Variants in COL6A6 observed in about 807,000 individuals in gnomAD.
The protein encoded by COL6A6 is collagen type VI alpha 6 chain, also known as collagen alpha-6(VI) chain.
Under a neutral mutation model 208.6 loss-of-function variants are expected in COL6A6, and 183 were observed. That is an observed-to-expected ratio of 0.88 (90% CI 0.78 to 0.99). The LOEUF (loss-of-function observed/expected upper bound fraction) is 0.99. Ranked by LOEUF, COL6A6 falls within the 50% of genes least tolerant of loss-of-function variation. COL6A6 has a pLI of 0.00. For synonymous variants in COL6A6, 973 were observed against 1,011.8 expected, an observed-to-expected ratio of 0.96 and a Z score of 0.73; for missense variants, 2,816 against 2,815.2, an observed-to-expected ratio of 1.00 and a Z score of -0.01.
At chr3:130,672,282 T>C (rs567260336) in intron 36 of COL6A6, among the ~76,000 whole-genome samples, 80 of 152,318 alleles carry the variant, frequency 5.3e-4, no homozygotes, top group African/African-American at 1.8e-3. Flanking sequence ...AGTTGCAAAA[T>C]AGACGATTTC....
chr3:130,599,848 G>C (rs766439060), intron 20 of COL6A6, 38 bp downstream of exon 20: 3 of 1,602,234 alleles, frequency 1.9e-6, no homozygotes, highest in Non-Finnish European at 2.6e-6. Context: ...CACTGTTTTG[G>C]TGGCTCATGT....
At position 130,566,777 on chromosome 3, in the gene COL6A6, A is replaced by G. The variant is rs2063034866; in HGVS notation, c.1358A>G (p.His453Arg). 3 of 1,614,016 alleles carry G rather than the reference A, an allele frequency of 1.9e-6. No homozygotes were observed. The highest frequency in any genetic ancestry group is 2.5e-6 in the Non-Finnish European group (3 of 1,179,892). The part of the protein sequence containing the change: ...GSGSTQATDF[H>R]EMKTFLSEVV... The stretch of plus-strand genomic sequence containing the variant: ...GGGAGCACCCAGGCCACAGATTTCC[A>G]TGAAATGAAGACGTTCCTGTCAGAG... Residue 453 changes from histidine to arginine, a missense_variant, in exon 5 of 37, where the codon CAT becomes CGT. By Grantham distance (29) the His-to-Arg change is conservative. Coordinates refer to ENST00000358511, the MANE Select transcript of COL6A6 (RefSeq NM_001102608.3).
rs199879974 is a variant in COL6A6, at chr3:130,642,871, C to T, written c.5190+4C>T. 150 of 1,613,780 alleles carry T rather than the reference C, an allele frequency of 9.3e-5. 2 individuals carry two copies. The South Asian group carries it at 1.3e-3, about 13-fold the overall frequency. On this transcript the variant is annotated splice_donor_region_variant and intron_variant, in intron 30 of 36. Coordinates refer to ENST00000358511, the MANE Select transcript of COL6A6 (RefSeq NM_001102608.3). ...CAAAGGCTTGGCTTCATTTTCTGTA[C>T]GTATCTCCCGACTACAACAGAGTGC...
Position 130,568,135 on chromosome 3 carries a change from T to C in COL6A6, c.1932T>C (p.Phe644=), listed in dbSNP as rs770862602. 3 of 1,613,920 alleles carry C rather than the reference T, an allele frequency of 1.9e-6. No homozygotes were observed. In the East Asian group the frequency reaches 6.7e-5, roughly 36 times the overall value. Residue 644 remains phenylalanine (F), a synonymous_variant, in exon 6 of 37, where the codon TTT becomes TTC. Coordinates refer to ENST00000358511, the MANE Select transcript of COL6A6 (RefSeq NM_001102608.3). ...AAAACTTCAGCAAAATGAAAACATT[T>C]ATGAAAAACCTGGTGAGCAAGTCTC... ...GPENFSKMKT[F]MKNLVSKSQI...
chr3:130,593,001 A>G (rs2063756650), intron 15 of COL6A6, 60 bp from the exon 16 acceptor site: 4 of 1,476,064 alleles, frequency 2.7e-6, no homozygotes, highest in Non-Finnish European at 3.8e-6. Context: ...TTTGTTTGGC[A>G]TCTGACTTCT....
chr3:130,658,692 C>T lies in COL6A6; in HGVS notation c.5750C>T (p.Thr1917Ile), dbSNP rs1199178935. The T allele has an allele frequency of 3.7e-6, 6 of 1,612,400 alleles. No homozygotes were observed. The Admixed American group carries it at 6.7e-5, about 18-fold the overall frequency. The change falls in exon 34 of 37, where the codon ACA becomes ATA. Residue 1917 changes from threonine (T) to isoleucine (I), a missense_variant. Thr to Ile is a moderately conservative substitution (Grantham distance 89). Coordinates refer to ENST00000358511, the MANE Select transcript of COL6A6 (RefSeq NM_001102608.3). ...RRAFAIDDTGTFQVIVVPSGA... is the reference protein window; with the variant it reads ...RRAFAIDDTGIFQVIVVPSGA... ...TTCTTTTAGATTGACGACACTGGCACATTTCAAGTAATAGTGGTTCCCTCC... is the reference window on the plus strand; with the variant it reads ...TTCTTTTAGATTGACGACACTGGCATATTTCAAGTAATAGTGGTTCCCTCC...
rs765547289 is a variant in COL6A6, at chr3:130,649,162, A to G, written c.5333A>G (p.Glu1778Gly). ...GAGCAGGAATTTGAGCGGATGAAGG[A>G]GATGATGGCTTTCCTGGTGAGAGAC... ...VTEQEFERMK[E>G]MMAFLVRDIK... Residue 1778 changes from glutamate (E) to glycine (G), a missense_variant, in exon 33 of 37, where the codon GAG (glutamate) becomes GGG (glycine). By Grantham distance (98) the Glu-to-Gly change is moderately conservative. Transcript: ENST00000358511. 1.0e-5 allele frequency: 16 copies of G among 1,594,912 alleles called. No homozygotes were observed. The Admixed American group carries it at 1.0e-4, about 10-fold the overall frequency.
intron 33 of COL6A6, among the ~76,000 whole-genome samples, chr3:130,656,738 G>A (rs1348173960): frequency 6.6e-6 from 1 of 152,194 alleles, no homozygotes; most frequent in African/African-American, 2.4e-5. Flanking sequence ...CTACAGGCCA[G>A]TACCAAGCTG....
At chr3:130,548,358 A>G (rs1369354904) in intron 1 of COL6A6, among the ~76,000 whole-genome samples, 1 of 152,188 alleles carries the variant, frequency 6.6e-6, no homozygotes, top group African/African-American at 2.4e-5. Flanking sequence ...TTTTTGGACT[A>G]TGAATTCCAC....
At chr3:130,650,214 C>G (rs1454967966) in intron 33 of COL6A6, among the ~76,000 whole-genome samples, 3 of 152,252 alleles carry the variant, frequency 2.0e-5, no homozygotes, top group African/African-American at 7.2e-5. Flanking sequence ...ACCTGCTGGG[C>G]CCAGCAAAGG....
At chr3:130,644,042 T>C (rs2065394489) in intron 31 of COL6A6, among the ~76,000 whole-genome samples, 1 of 152,288 alleles carries the variant, frequency 6.6e-6, no homozygotes, top group East Asian at 1.9e-4. Flanking sequence ...TCCAAGTATA[T>C]TGAGACCTGA....
chr3:130,674,254 A>C (rs771552382), intron 36 of COL6A6, among the ~76,000 whole-genome samples: 7 of 152,218 alleles, frequency 4.6e-5, no homozygotes, highest in Non-Finnish European at 8.8e-5. Context: ...TCAGTTCCTC[A>C]GTCACACTAC....
At chr3:130,593,520 C>T (rs2063773623) in intron 17 of COL6A6, among the ~76,000 whole-genome samples, 1 of 152,198 alleles carries the variant, frequency 6.6e-6, no homozygotes, top group African/African-American at 2.4e-5. Flanking sequence ...CCTAACCATG[C>T]TAGCCATGAC....
At chr3:130,538,742 T>C (rs2062283435) in intron 1 of COL6A6, among the ~76,000 whole-genome samples, 1 of 152,180 alleles carries the variant, frequency 6.6e-6, no homozygotes, top group Non-Finnish European at 1.5e-5. Flanking sequence ...CTAGTATAAT[T>C]GGAGTGTGAG....
chr3:130,643,220 C>T (rs745378322), intron 31 of COL6A6, among the ~76,000 whole-genome samples, 197 bp downstream of exon 31: 1 of 152,160 alleles, frequency 6.6e-6, no homozygotes, highest in Admixed American at 6.5e-5. Flanking sequence ...AAACCCATGT[C>T]AAGCAGTAAG....
In COL6A6 at chr3:130,571,356, A is replaced by C; in HGVS notation, c.2940A>C (p.Ser980=). The change falls in exon 7 of 37, where the codon TCA becomes TCC. Residue 980 remains serine, a synonymous_variant. Transcript: ENST00000358511. The part of the protein sequence containing the change: ...ETFGGLKGIF[S]DVTASVCNSS... ...TTGGAGGTCTGAAGGGAATATTTTC[A>C]GATGTGACAGCCAGTGTCTGCAACT... is the stretch of plus-strand genomic sequence containing the variant. 6 of 1,597,968 alleles carry C rather than the reference A, an allele frequency of 3.8e-6. No homozygotes were observed. Among genetic ancestry groups the C allele is most frequent in the Non-Finnish European group, 5.1e-6 (6 of 1,173,900 alleles).
intron 23 of COL6A6, among the ~76,000 whole-genome samples, chr3:130,616,158 C>T (rs2064513648): frequency 6.6e-6 from 1 of 152,058 alleles, no homozygotes; most frequent in South Asian, 2.1e-4. Context: ...GAGATGAACA[C>T]AATCAGATAC....
chr3:130,650,610 C>CA (rs3074296), intron 33 of COL6A6, among the ~76,000 whole-genome samples: 2,998 of 127,936 alleles, frequency 0.023, 44 homozygotes, highest in Admixed American at 0.033. Flanking sequence ...CCTCTGTCTC[C>CA]AAAAAAAAAA....
chr3:130,590,186 C>A (rs2063640054), intron 12 of COL6A6: 1 of 175,248 alleles, frequency 5.7e-6, no homozygotes, highest in Admixed American at 6.8e-5. Flanking sequence ...CCCAGATTTA[C>A]AATATTATGA....
Sources: allele counts gnomAD v4.1 joint callset (sites outside exome capture counted in the v4.1 genomes callset), GRCh38; gene constraint gnomAD v4.1.1; transcripts MANE v1.5; gene names NCBI Gene and HGNC (gene_info 2026-07-23, HGNC 2026-07-21).